KCNJ3: variants seen among roughly 807,000 people sequenced by gnomAD.
KCNJ3 encodes the protein potassium inwardly rectifying channel subfamily J member 3, also known as G protein-activated inward rectifier potassium channel 1.
In KCNJ3, 4 loss-of-function variants were observed where a neutral mutation model predicts 39.2. The observed-to-expected ratio is 0.10, with a 90% CI of 0.05 to 0.23. The LOEUF is 0.23. Among genes scored for constraint, KCNJ3 ranks in the 10% least tolerant of loss-of-function variants. KCNJ3 has a pLI of 1.00. For missense variants in KCNJ3, 276 were observed against 634.9 expected (o/e 0.43, Z 6.08); for synonymous variants, 230 against 237.4 (o/e 0.97, Z 0.29).
chr2:154,713,478 C>T (rs1364133869), intron 2 of KCNJ3, among the ~76,000 whole-genome samples: 1 of 152,108 alleles, frequency 6.6e-6, no homozygotes. Context: ...GTGGCCTCAG[C>T]AGGAGTGGTG....
intron 2 of KCNJ3, among the ~76,000 whole-genome samples, chr2:154,850,075 G>A (rs905524422): frequency 5.8e-5 from 6 of 102,644 alleles, no homozygotes; most frequent in African/African-American, 2.3e-4. Flanking sequence ...GGATTCAAAA[G>A]TCCCAGCTAT....
Position 154,699,514 on chromosome 2 carries a change from G to C in KCNJ3, c.702+37G>C, listed in dbSNP as rs372196458. 87 of 1,523,430 alleles carry C rather than the reference G, an allele frequency of 5.7e-5. No individual in the cohort carries two copies. The African/African-American group carries it at 1.1e-3, about 19-fold the overall frequency. 94.4% of individuals were successfully genotyped at this position (1,523,430 alleles called of 1,614,324 possible). A position where few individuals can be genotyped will look rare whatever the true frequency, so the allele number is the denominator to read the frequency against. On this transcript the variant is annotated intron_variant, in intron 1 of 2. Transcript: ENST00000295101. This position sits in a 1 kb window ranked among gnomAD's most constrained non-coding sequence, Gnocchi z 6.4. Reference sequence around the variant, plus strand: ...CCGCCCCTTCCCCACCGGGAGACCTGCGTCCCCCAAACCCGCGGAGTAACT... The same window carrying C: ...CCGCCCCTTCCCCACCGGGAGACCTCCGTCCCCCAAACCCGCGGAGTAACT...
At chr2:154,827,639 G>A (rs1364162066) in intron 2 of KCNJ3, among the ~76,000 whole-genome samples, 1 of 152,094 alleles carries the variant, frequency 6.6e-6, no homozygotes, top group African/African-American at 2.4e-5. Flanking sequence ...GAAGACTCAG[G>A]AGGAAAGGAA....
chr2:154,848,746 C>A lies in KCNJ3; in HGVS notation c.920-5981C>A, dbSNP rs565098006. 2.0e-5 allele frequency among the ~76,000 whole-genome samples: 3 copies of A among 152,246 alleles called. No homozygotes were observed. The South Asian group carries it at 6.2e-4, about 32-fold the overall frequency. ...AGGTTCAGAGAGGCAAAGCACCATT[C>A]CAAAGGTAAACAGCATAGGTGGTAG... On this transcript the variant is annotated intron_variant, in intron 2 of 2. Coordinates refer to ENST00000295101, the MANE Select transcript of KCNJ3 (RefSeq NM_002239.4).
intron 2 of KCNJ3, among the ~76,000 whole-genome samples, chr2:154,833,680 G>A (rs1000928216): frequency 7.2e-5 from 11 of 152,046 alleles, no homozygotes; most frequent in African/African-American, 2.7e-4. Flanking sequence ...AAAATCTCTG[G>A]TATTCTATCT....
At chr2:154,832,938 A>T (rs1400347948) in intron 2 of KCNJ3, among the ~76,000 whole-genome samples, 1 of 152,182 alleles carries the variant, frequency 6.6e-6, no homozygotes, top group Non-Finnish European at 1.5e-5. Flanking sequence ...ATGTTGCCAA[A>T]TGTGGTGAGC....
chr2:154,710,518 A>C (rs1428481768), intron 2 of KCNJ3, among the ~76,000 whole-genome samples: 6 of 152,166 alleles, frequency 3.9e-5, no homozygotes, highest in Non-Finnish European at 7.4e-5. Flanking sequence ...AATAAACAAT[A>C]GTTATGAGCA....
intron 2 of KCNJ3, among the ~76,000 whole-genome samples, chr2:154,770,777 C>T (rs1391629087): frequency 6.6e-6 from 1 of 151,892 alleles, no homozygotes; most frequent in Non-Finnish European, 1.5e-5. Flanking sequence ...ATACTCAAGA[C>T]ATCATTTTGA....
intron 2 of KCNJ3, among the ~76,000 whole-genome samples, chr2:154,772,425 A>C (rs577182229): frequency 1.3e-5 from 2 of 152,104 alleles, no homozygotes; most frequent in African/African-American, 4.8e-5. Context: ...TTAATTTGCT[A>C]CATACTTTGG....
intron 2 of KCNJ3, among the ~76,000 whole-genome samples, chr2:154,717,010 G>C (rs1354266328): frequency 6.6e-6 from 1 of 152,196 alleles, no homozygotes; most frequent in Non-Finnish European, 1.5e-5. Flanking sequence ...GTACTCAAAT[G>C]AATGTTAAGT....
chr2:154,773,776 C>T (rs780190660), intron 2 of KCNJ3, among the ~76,000 whole-genome samples: 25 of 152,156 alleles, frequency 1.6e-4, no homozygotes, highest in South Asian at 4.1e-4. Flanking sequence ...TCACACTTGA[C>T]GCATGTCTTA....
chr2:154,756,648 AATACCTAATGC>A (rs76255918), intron 2 of KCNJ3, among the ~76,000 whole-genome samples: 8,039 of 152,024 alleles, frequency 0.053, 354 homozygotes, highest in East Asian at 0.22. Context: ...CATTAGGAGA[AATACCTAATGC>A]AGACGACAGG....
intron 2 of KCNJ3, among the ~76,000 whole-genome samples, chr2:154,721,409 A>G (rs908491028): frequency 2.6e-5 from 4 of 152,142 alleles, no homozygotes; most frequent in Admixed American, 6.5e-5. Context: ...ATATTACTAA[A>G]TGAAGAGATG....
At chr2:154,704,459 T>C (rs1240907137) in intron 1 of KCNJ3, among the ~76,000 whole-genome samples, 1 of 152,190 alleles carries the variant, frequency 6.6e-6, no homozygotes, top group Non-Finnish European at 1.5e-5. Context: ...CATAATCTAT[T>C]ATAAAATAAA....
At chr2:154,835,345 TTTTG>T (rs890324019) in intron 2 of KCNJ3, among the ~76,000 whole-genome samples, 11 of 151,432 alleles carry the variant, frequency 7.3e-5, no homozygotes, top group African/African-American at 2.7e-4. Flanking sequence ...ATTTTCTTTT[TTTTG>T]TTTACTATTC....
In KCNJ3 at chr2:154,855,360, C is replaced by A; in HGVS notation, c.*47C>A. 1 of 1,284,444 alleles carries A rather than the reference C, an allele frequency of 7.8e-7. No homozygotes were observed. The highest frequency in any genetic ancestry group is 1.1e-6 in the Non-Finnish European group (1 of 934,028). 79.6% of individuals were successfully genotyped at this position (1,284,444 alleles called of 1,614,324 possible). A position where few individuals can be genotyped will look rare whatever the true frequency, so the allele number is the denominator to read the frequency against. ...ATTTAATGTTTGATTTAGTAATAGT[C>A]CAATATTTGGCGATGAGGTAATTCT... On this transcript the variant is annotated 3_prime_UTR_variant, in exon 3 of 3. Transcript: ENST00000295101.
rs924731128 is a variant in KCNJ3, at chr2:154,855,807, A to G, written c.*494A>G. The G allele has an allele frequency of 6.6e-6, 1 of 152,426 alleles. No individual in the cohort carries two copies. The highest frequency in any genetic ancestry group is 1.5e-5 in the Non-Finnish European group (1 of 67,984). 9.4% of individuals were successfully genotyped at this position (152,426 alleles called of 1,614,324 possible). On this transcript the variant is annotated 3_prime_UTR_variant, in exon 3 of 3. Coordinates refer to ENST00000295101, the MANE Select transcript of KCNJ3 (RefSeq NM_002239.4). ...CATACACATACATACATACATACAT[A>G]TATATCTGATAAAATTGTGATGTTT... is the stretch of plus-strand genomic sequence containing the variant.
chr2:154,728,597 C>G (rs989119386), intron 2 of KCNJ3, among the ~76,000 whole-genome samples: 1 of 152,140 alleles, frequency 6.6e-6, no homozygotes, highest in African/African-American at 2.4e-5. Context: ...TCCACAATAT[C>G]CACAGTCTGA....
At chr2:154,727,799 C>T (rs1685385664) in intron 2 of KCNJ3, among the ~76,000 whole-genome samples, 1 of 151,622 alleles carries the variant, frequency 6.6e-6, no homozygotes, top group Non-Finnish European at 1.5e-5. Flanking sequence ...CCTGCGAGGT[C>T]AGCTGTCATA....
Sources: allele counts gnomAD v4.1 joint callset (sites outside exome capture counted in the v4.1 genomes callset), GRCh38; gene constraint gnomAD v4.1.1; non-coding constraint Gnocchi (gnomAD v3.1); transcripts MANE v1.5; gene names NCBI Gene and HGNC (gene_info 2026-07-23, HGNC 2026-07-21).